RBFOX1: variants seen among roughly 807,000 people sequenced by gnomAD.
The protein encoded by RBFOX1 is RNA binding protein fox-1 homolog 1.
Under a neutral mutation model 57.7 loss-of-function variants are expected in RBFOX1, and 8 were observed. The observed-to-expected ratio is 0.14, with a 90% CI of 0.08 to 0.25. The LOEUF is 0.25. RBFOX1 is among the 10% of genes least tolerant of loss of function. The pLI, the probability that RBFOX1 is intolerant of heterozygous loss-of-function variation, is 1.00. For missense variants in RBFOX1, 611 were observed against 548.5 expected, an observed-to-expected ratio of 1.11 and a Z score of -1.14; for synonymous variants, 326 against 222.4, an observed-to-expected ratio of 1.47 and a Z score of -4.15.
intron 4 of RBFOX1, among the ~76,000 whole-genome samples, chr16:7,380,775 G>T (rs1249464856): frequency 6.6e-6 from 1 of 152,230 alleles, no homozygotes; most frequent in African/African-American, 2.4e-5. Flanking sequence ...GGGAAAATAA[G>T]AAATGTAATA....
chr16:6,332,926 A>G (rs1411809028), intron 2 of RBFOX1, among the ~76,000 whole-genome samples: 1 of 152,254 alleles, frequency 6.6e-6, no homozygotes, highest in Admixed American at 6.5e-5. Context: ...TACACCTTAC[A>G]GAACATGGGC....
At chr16:5,605,235 A>G (rs1274079135) in intron 3 of RBFOX1, among the ~76,000 whole-genome samples, 1 of 152,164 alleles carries the variant, frequency 6.6e-6, no homozygotes, top group African/African-American at 2.4e-5. Context: ...TGATTCCACC[A>G]CCAACTCTCC....
chr16:7,043,254 T>C (rs2046784864), intron 3 of RBFOX1, among the ~76,000 whole-genome samples: 1 of 152,206 alleles, frequency 6.6e-6, no homozygotes, highest in African/African-American at 2.4e-5. Context: ...TGAGCACCCC[T>C]GGAACCCTGT....
At chr16:7,311,865 C>G (rs2096318006) in intron 4 of RBFOX1, among the ~76,000 whole-genome samples, 1 of 152,180 alleles carries the variant, frequency 6.6e-6, no homozygotes, top group South Asian at 2.1e-4. Context: ...AAGTCATGAG[C>G]TGAAGGCTTA....
At chr16:7,471,294 A>G (rs555694019) in intron 4 of RBFOX1, among the ~76,000 whole-genome samples, 21 of 152,208 alleles carry the variant, frequency 1.4e-4, no homozygotes, top group South Asian at 2.1e-4. Context: ...CAGAACTGCA[A>G]TCTCTTTAAA....
intron 1 of RBFOX1, among the ~76,000 whole-genome samples, chr16:6,292,367 GA>G (rs2077562206): frequency 1.4e-5 from 2 of 146,056 alleles, no homozygotes; most frequent in African/African-American, 5.0e-5. Flanking sequence ...CAGTTCCACA[GA>G]TTTTTTTTTT....
chr16:5,270,590 GT>G, intron 1 of RBFOX1: 1 of 585,076 alleles, frequency 1.7e-6, no homozygotes, highest in Non-Finnish European at 3.2e-6. Flanking sequence ...TCTGTTTTGT[GT>G]TGGTTTTACC....
intron 3 of RBFOX1, among the ~76,000 whole-genome samples, chr16:5,622,040 G>C (rs1275637961): frequency 6.6e-6 from 1 of 152,172 alleles, no homozygotes; most frequent in African/African-American, 2.4e-5. Context: ...AATTATCTGG[G>C]TTATCTGAAA....
intron 2 of RBFOX1, among the ~76,000 whole-genome samples, chr16:5,507,466 C>T (rs2043418089): frequency 6.6e-6 from 1 of 152,110 alleles, no homozygotes; most frequent in African/African-American, 2.4e-5. Flanking sequence ...TGGGAGAGAG[C>T]AGGCAGCTTC....
chr16:6,743,506 C>G (rs970544136), intron 3 of RBFOX1, among the ~76,000 whole-genome samples: 4 of 152,088 alleles, frequency 2.6e-5, no homozygotes, highest in African/African-American at 4.8e-5. Flanking sequence ...CTTTGGGAGG[C>G]CAAGGCAGGA....
At chr16:7,032,232 C>T (rs1157323153) in intron 3 of RBFOX1, among the ~76,000 whole-genome samples, 1 of 152,034 alleles carries the variant, frequency 6.6e-6, no homozygotes, top group African/African-American at 2.4e-5. Context: ...CGAGACCAGA[C>T]TGACCAACAT....
Position 6,062,196 on chromosome 16 carries a change from G to T in RBFOX1, c.-127+42204G>T, listed in dbSNP as rs1402448927. Among the ~76,000 whole-genome samples the T allele has an allele frequency of 2.0e-5, 3 of 152,142 alleles. No homozygotes were observed. The South Asian group carries it at 6.2e-4, about 32-fold the overall frequency. On this transcript the variant is annotated intron_variant, in intron 1 of 15. Coordinates refer to ENST00000550418, the MANE Select transcript of RBFOX1 (RefSeq NM_018723.4). ...TCTAGGTAGCCCCACTAGTTAAGAA[G>T]CTCTCTGAACTGTCCTTTCAGGTTT...
intron 3 of RBFOX1, among the ~76,000 whole-genome samples, chr16:6,764,100 A>G (rs921922353): frequency 2.0e-5 from 3 of 152,138 alleles, no homozygotes; most frequent in African/African-American, 4.8e-5. Flanking sequence ...AGGTATGTGC[A>G]TTTTCTGTGC....
At chr16:6,981,549 G>T (rs1442682753) in intron 3 of RBFOX1, among the ~76,000 whole-genome samples, 1 of 152,108 alleles carries the variant, frequency 6.6e-6, no homozygotes, top group African/African-American at 2.4e-5. Flanking sequence ...ATTTATAAAG[G>T]AAGAAGATTA....
chr16:7,636,760 G>C (rs780469440), intron 11 of RBFOX1, among the ~76,000 whole-genome samples: 15 of 152,270 alleles, frequency 9.9e-5, no homozygotes, highest in Middle Eastern at 3.4e-3. Context: ...AAGAAAGTTA[G>C]GTTCCGGTGA....
rs530288649 is a variant in RBFOX1, at chr16:6,431,882, ATGCT to A, written c.-64+114839_-64+114842del. Among the ~76,000 whole-genome samples the A allele has an allele frequency of 9.8e-3, 1,235 of 126,508 alleles. 9 individuals carry two copies. Among genetic ancestry groups the A allele is most frequent in the Admixed American group, 0.022 (261 of 12,126 alleles). The allele number at this position is 126,508 out of a possible 152,430, so 83.0% of individuals were successfully genotyped here. On this transcript the variant is annotated intron_variant, in intron 2 of 15. Transcript: ENST00000550418. ...TTTATTTATGAACATGTCCAGAAATATGCTTGCTTGCTTGCTTTCTTTCTTTCTT... is the reference window on the plus strand; with the variant it reads ...TTTATTTATGAACATGTCCAGAAATATGCTTGCTTGCTTTCTTTCTTTCTT...
At chr16:6,090,886 T>A (rs1440420357) in intron 1 of RBFOX1, among the ~76,000 whole-genome samples, 3 of 152,200 alleles carry the variant, frequency 2.0e-5, no homozygotes, top group African/African-American at 7.2e-5. Flanking sequence ...ATTATCCTGC[T>A]TCTGCTCCAA....
At chr16:7,023,487 G>T (rs2039918260) in intron 3 of RBFOX1, among the ~76,000 whole-genome samples, 2 of 146,518 alleles carry the variant, frequency 1.4e-5, no homozygotes, top group African/African-American at 2.6e-5. Flanking sequence ...AATGAATGAT[G>T]GGCTTGAGTT....
chr16:7,683,561 T>A (rs764713075), intron 14 of RBFOX1, among the ~76,000 whole-genome samples: 1 of 152,080 alleles, frequency 6.6e-6, no homozygotes, highest in Admixed American at 6.6e-5. Context: ...CAACAGACCG[T>A]AGCTGTCACA....
Sources: allele counts gnomAD v4.1 joint callset (sites outside exome capture counted in the v4.1 genomes callset), GRCh38; gene constraint gnomAD v4.1.1; transcripts MANE v1.5; gene names NCBI Gene and HGNC (gene_info 2026-07-23, HGNC 2026-07-21).